The following SLC14A2 variants were observed in gnomAD, a reference collection of about 807,000 sequenced individuals.
SLC14A2 encodes urea transporter 2.
Under a neutral mutation model 104.6 loss-of-function variants are expected in SLC14A2, and 91 were observed. The observed-to-expected ratio is 0.87, with a 90% CI of 0.73 to 1.04. The LOEUF is 1.04. Ranked by LOEUF, SLC14A2 falls within the 50% of genes least tolerant of loss-of-function variation. The probability of loss-of-function intolerance (pLI) is 0.00; values close to 1 mark genes in which losing one functional copy is unlikely to be tolerated. For synonymous variants in SLC14A2, 476 were observed against 466.4 expected, an observed-to-expected ratio of 1.02 and a Z score of -0.27; for missense variants, 1,189 against 1,156.0, an observed-to-expected ratio of 1.03 and a Z score of -0.41.
chr18:45,189,015 G>A, the SLC14A2 span, among the ~76,000 whole-genome samples: 80 of 152,306 alleles, frequency 5.3e-4, no homozygotes, highest in African/African-American at 1.9e-3. Context: ...AATGCAGTGT[G>A]CTAGTTTGTT....
At chr18:45,627,967 C>T (rs569343037) in intron 4 of SLC14A2, among the ~76,000 whole-genome samples, 134 of 141,614 alleles carry the variant, frequency 9.5e-4, no homozygotes, top group Middle Eastern at 4.1e-3. Context: ...CGTGCCACTG[C>T]ACTCCAGCCA....
In SLC14A2 at chr18:45,436,896, A is replaced by G. The variant is rs1395159216; in HGVS notation, c.-124-46337A>G. 4.6e-5 allele frequency among the ~76,000 whole-genome samples: 7 copies of G among 152,180 alleles called. No homozygotes were observed. In the South Asian group the frequency reaches 1.5e-3, roughly 32 times the overall value. ...AAAAGGTGGGTGCAAGGGAAAGGGG[A>G]TAGAATTCCACTGAACTGAGATTCA... On this transcript the variant is annotated intron_variant, in intron 1 of 20. Transcript: ENST00000586448.
At chr18:45,401,872 A>G (rs967427612) in intron 1 of SLC14A2, among the ~76,000 whole-genome samples, 2 of 152,214 alleles carry the variant, frequency 1.3e-5, no homozygotes, top group African/African-American at 2.4e-5. Flanking sequence ...GGTATATGTC[A>G]GTAATCATTC....
intron 2 of SLC14A2, among the ~76,000 whole-genome samples, chr18:45,584,628 C>T (rs933855603): frequency 6.6e-6 from 1 of 152,160 alleles, no homozygotes; most frequent in Non-Finnish European, 1.5e-5. Context: ...CCTTAGGAGC[C>T]TCAAGGTGGC....
intron 1 of SLC14A2, among the ~76,000 whole-genome samples, chr18:45,376,089 C>T (rs960733686): frequency 6.6e-6 from 1 of 152,148 alleles, no homozygotes; most frequent in African/African-American, 2.4e-5. Context: ...ACTAGCCAAC[C>T]TTAGTCCTTA....
At chr18:45,329,817 A>G (rs1473583733) in intron 1 of SLC14A2, among the ~76,000 whole-genome samples, 1 of 152,182 alleles carries the variant, frequency 6.6e-6, no homozygotes, top group East Asian at 1.9e-4. Context: ...AGCCAACACA[A>G]AGAAACAAAC....
At chr18:45,177,528 G>A in the SLC14A2 span, among the ~76,000 whole-genome samples, 2 of 152,076 alleles carry the variant, frequency 1.3e-5, no homozygotes, top group African/African-American at 4.8e-5. Context: ...GCCTCAGTGT[G>A]TGTTGCATGT....
chr18:45,642,518 G>A (rs1317552237), intron 8 of SLC14A2, among the ~76,000 whole-genome samples: 1 of 152,194 alleles, frequency 6.6e-6, no homozygotes, highest in Non-Finnish European at 1.5e-5. Flanking sequence ...GACAGAGAAG[G>A]AGAAAGAGCA....
intron 1 of SLC14A2, among the ~76,000 whole-genome samples, chr18:45,389,292 T>G (rs1214948940): frequency 6.6e-6 from 1 of 152,236 alleles, no homozygotes; most frequent in Admixed American, 6.5e-5. Context: ...ATTGGTTTGA[T>G]GCTCTATAAT....
intron 1 of SLC14A2, among the ~76,000 whole-genome samples, chr18:45,314,728 G>A (rs1305935837): frequency 2.0e-5 from 3 of 152,148 alleles, no homozygotes; most frequent in Non-Finnish European, 2.9e-5. Flanking sequence ...GGAGATAAAA[G>A]AACAAAAATC....
rs1342663811 is a variant in SLC14A2, at chr18:45,484,251, T to TA, written c.-35+929_-35+930insA. 3.0e-4 allele frequency among the ~76,000 whole-genome samples: 45 copies of TA among 152,272 alleles called. 1 individual carries two copies. In the South Asian group the frequency reaches 9.3e-3, roughly 32 times the overall value. ...TGACACCCCCACTTCCTACCCAACT[T>TA]GGCCTAAAATTGGCACACATCACTT... On this transcript the variant is annotated intron_variant, in intron 2 of 20. Coordinates refer to the SLC14A2 transcript ENST00000586448.
chr18:45,197,004 T>C, the SLC14A2 span, among the ~76,000 whole-genome samples: 2 of 152,196 alleles, frequency 1.3e-5, no homozygotes, highest in African/African-American at 2.4e-5. Context: ...AATGTTGGGA[T>C]CACTACGAAG....
chr18:45,497,236 T>G (rs917125762), intron 2 of SLC14A2, among the ~76,000 whole-genome samples: 4 of 152,194 alleles, frequency 2.6e-5, no homozygotes, highest in Admixed American at 6.5e-5. Flanking sequence ...TATACCCTAC[T>G]GCTTCCTGGA....
the SLC14A2 span, among the ~76,000 whole-genome samples, chr18:45,187,334 TA>T: frequency 6.6e-6 from 1 of 152,088 alleles, no homozygotes; most frequent in Admixed American, 6.6e-5. Context: ...AGCCCAATTT[TA>T]AAGACAGCTT....
chr18:45,467,821 C>T (rs556266582), intron 1 of SLC14A2, among the ~76,000 whole-genome samples: 15 of 152,196 alleles, frequency 9.9e-5, no homozygotes, highest in African/African-American at 3.1e-4. Flanking sequence ...ATACATATAA[C>T]GTAGAGAACA....
At chr18:45,261,545 C>T (rs892693767) in intron 1 of SLC14A2, among the ~76,000 whole-genome samples, 2 of 151,280 alleles carry the variant, frequency 1.3e-5, no homozygotes, top group African/African-American at 4.9e-5. Context: ...TCTCCTAATG[C>T]TATCCCTCCC....
Position 45,236,249 on chromosome 18 carries a change from A to ATATATGTGTATATATACATGTATGCGTG in SLC14A2, c.-125+23082_-125+23083insCGTGTATATGTGTATATATACATGTATG, listed in dbSNP as rs2084242439. Among the ~76,000 whole-genome samples, 2 of 37,038 alleles carry ATATATGTGTATATATACATGTATGCGTG rather than the reference A, an allele frequency of 5.4e-5. 1 individual carries two copies. Among genetic ancestry groups the ATATATGTGTATATATACATGTATGCGTG allele is most frequent in the African/African-American group, 2.5e-4 (2 of 8,008 alleles). 24.3% of individuals were successfully genotyped at this position (37,038 alleles called of 152,430 possible). ...TGTGTATATATACATATATGTGTGT[A>ATATATGTGTATATATACATGTATGCGTG]TATATGTGTATATATACATGTATGT... On this transcript the variant is annotated intron_variant, in intron 1 of 20. Transcript: ENST00000586448.
At chr18:45,546,487 G>A (rs1459064257) in intron 2 of SLC14A2, among the ~76,000 whole-genome samples, 1 of 152,180 alleles carries the variant, frequency 6.6e-6, no homozygotes, top group Non-Finnish European at 1.5e-5. Context: ...GTCTGAAGCT[G>A]CCTCTGTTTC....
intron 1 of SLC14A2, among the ~76,000 whole-genome samples, chr18:45,385,162 T>C (rs2085881344): frequency 6.6e-6 from 1 of 152,224 alleles, no homozygotes; most frequent in African/African-American, 2.4e-5. Flanking sequence ...GTGGGGCTGA[T>C]TTACTGCTCT....
Sources: gnomAD v4.1 joint callset for allele counts (sites outside exome capture counted in the v4.1 genomes callset) on GRCh38, gnomAD v4.1.1 for gene constraint, MANE v1.5 for transcripts, NCBI Gene and HGNC (gene_info 2026-07-23, HGNC 2026-07-21) for gene names.